KSR2: variants seen among roughly 807,000 people sequenced by gnomAD.
KSR2 encodes kinase suppressor of ras 2.
In KSR2, 25 loss-of-function variants were observed where a neutral mutation model predicts 107.8. That is an observed-to-expected ratio of 0.23 (90% CI 0.17 to 0.32). The LOEUF is 0.32. Among genes scored for constraint, KSR2 ranks in the 10% least tolerant of loss-of-function variants. KSR2 has a pLI of 1.00. For synonymous variants in KSR2, 480 were observed against 507.0 expected (o/e 0.95, Z 0.71); for missense variants, 887 against 1,268.9 (o/e 0.70, Z 4.57).
intron 1 of KSR2, among the ~76,000 whole-genome samples, chr12:117,923,356 T>C (rs1895403293): frequency 6.6e-6 from 1 of 152,214 alleles, no homozygotes; most frequent in Non-Finnish European, 1.5e-5. Context: ...AGATTCAATA[T>C]TCGTTAACTC....
intron 3 of KSR2, among the ~76,000 whole-genome samples, 184 bp from the exon 4 acceptor site, chr12:117,761,708 C>A (rs1227186526): frequency 6.6e-6 from 1 of 152,038 alleles, no homozygotes; most frequent in Non-Finnish European, 1.5e-5. Flanking sequence ...ATCTTATGCA[C>A]ATTATACCAT....
At chr12:117,830,658 T>G (rs1891928493) in intron 3 of KSR2, among the ~76,000 whole-genome samples, 1 of 152,124 alleles carries the variant, frequency 6.6e-6, no homozygotes, top group Non-Finnish European at 1.5e-5. Flanking sequence ...TTCTCAGAAT[T>G]CTATCAGACC....
intron 1 of KSR2, among the ~76,000 whole-genome samples, chr12:117,947,927 G>A (rs1288508292): frequency 2.0e-5 from 3 of 152,050 alleles, no homozygotes; most frequent in East Asian, 1.9e-4. Flanking sequence ...ACTTTAGTTA[G>A]TTAATATAGT....
chr12:117,505,863 C>T (rs1442760079), intron 14 of KSR2, among the ~76,000 whole-genome samples: 1 of 152,166 alleles, frequency 6.6e-6, no homozygotes, highest in Non-Finnish European at 1.5e-5. Context: ...TGTCTTATTC[C>T]ACAAGAAACA....
chr12:117,678,351 C>G (rs1287905945), intron 4 of KSR2, among the ~76,000 whole-genome samples: 1 of 152,022 alleles, frequency 6.6e-6, no homozygotes, highest in African/African-American at 2.4e-5. Flanking sequence ...GATACTACCC[C>G]CACCCCGCCC....
intron 9 of KSR2, among the ~76,000 whole-genome samples, chr12:117,544,754 C>T (rs987820296): frequency 6.6e-6 from 1 of 152,132 alleles, no homozygotes; most frequent in African/African-American, 2.4e-5. Context: ...TTGGGATTCT[C>T]TACATGGATG....
chr12:117,626,983 G>T (rs1257076981), intron 5 of KSR2, among the ~76,000 whole-genome samples: 4 of 150,530 alleles, frequency 2.7e-5, no homozygotes, highest in Non-Finnish European at 5.9e-5. Flanking sequence ...ATCTTTGTTG[G>T]TTTAAAGTCT....
chr12:117,887,803 A>G (rs1314486884), intron 1 of KSR2, among the ~76,000 whole-genome samples: 2 of 152,182 alleles, frequency 1.3e-5, no homozygotes. Flanking sequence ...ATTAAAAAAT[A>G]AAAATAAAAA....
chr12:117,779,741 C>T (rs112658616), intron 3 of KSR2, among the ~76,000 whole-genome samples: 3 of 152,168 alleles, frequency 2.0e-5, no homozygotes, highest in Non-Finnish European at 4.4e-5. Flanking sequence ...ACTTGCTTCT[C>T]CTTTGCCTTC....
intron 14 of KSR2, among the ~76,000 whole-genome samples, chr12:117,515,925 C>A (rs961793082): frequency 3.9e-5 from 6 of 152,088 alleles, no homozygotes; most frequent in African/African-American, 1.4e-4. Context: ...GACCTTGTTT[C>A]AAAAATAAAA....
chr12:117,894,804 C>T (rs1894458821), intron 1 of KSR2, among the ~76,000 whole-genome samples: 1 of 150,244 alleles, frequency 6.7e-6, no homozygotes, highest in South Asian at 2.1e-4. Context: ...CCTTTGCCTT[C>T]CGCCATGATT....
chr12:117,912,647 A>G (rs1354140200), intron 1 of KSR2, among the ~76,000 whole-genome samples: 3 of 152,200 alleles, frequency 2.0e-5, no homozygotes, highest in Non-Finnish European at 4.4e-5. Flanking sequence ...TGTTTCAGCA[A>G]ATGCCTTGGC....
chr12:117,905,211 A>G (rs1441672326), intron 1 of KSR2, among the ~76,000 whole-genome samples: 1 of 152,174 alleles, frequency 6.6e-6, no homozygotes, highest in Non-Finnish European at 1.5e-5. Context: ...AAAACAAAAC[A>G]AAATATAATG....
intron 1 of KSR2, among the ~76,000 whole-genome samples, chr12:117,896,146 A>G (rs1238744261): frequency 6.6e-6 from 1 of 152,254 alleles, no homozygotes; most frequent in East Asian, 1.9e-4. Flanking sequence ...AAATGAATGG[A>G]TAAATAAAAT....
chr12:117,780,448 T>TA (rs1438726074), intron 3 of KSR2, among the ~76,000 whole-genome samples: 8 of 152,296 alleles, frequency 5.3e-5, no homozygotes, highest in African/African-American at 1.4e-4. Context: ...CTAAATGAAA[T>TA]ATGCCAGACA....
intron 14 of KSR2, among the ~76,000 whole-genome samples, chr12:117,519,186 T>C (rs946158697): frequency 3.3e-5 from 5 of 152,172 alleles, no homozygotes; most frequent in Non-Finnish European, 5.9e-5. Flanking sequence ...CAGGTGCTGA[T>C]ATTGGGTCAT....
At chr12:117,940,203 A>G (rs1296878655) in intron 1 of KSR2, among the ~76,000 whole-genome samples, 4 of 152,194 alleles carry the variant, frequency 2.6e-5, no homozygotes, top group Admixed American at 6.5e-5. Context: ...CACCAAGGAT[A>G]TCACAAATAA....
At chr12:117,830,736 C>G (rs1891932758) in intron 3 of KSR2, among the ~76,000 whole-genome samples, 1 of 152,098 alleles carries the variant, frequency 6.6e-6, no homozygotes, top group Admixed American at 6.5e-5. Flanking sequence ...GCAACCGATT[C>G]CTCTAAAAAG....
intron 7 of KSR2, among the ~76,000 whole-genome samples, chr12:117,573,694 A>G (rs1879058353): frequency 6.6e-6 from 1 of 151,528 alleles, no homozygotes; most frequent in South Asian, 2.1e-4. Context: ...AACTCGGCTA[A>G]TTTTTTGTAT....
Sources: gnomAD v4.1 joint callset for allele counts (sites outside exome capture counted in the v4.1 genomes callset) on GRCh38, gnomAD v4.1.1 for gene constraint, MANE v1.5 for transcripts, NCBI Gene and HGNC (gene_info 2026-07-23, HGNC 2026-07-21) for gene names.